ADCK1: variants seen among roughly 807,000 people sequenced by gnomAD.
ADCK1 encodes the protein aarF domain containing kinase 1.
Under a neutral mutation model 52.3 loss-of-function variants are expected in ADCK1, and 41 were observed. That is an observed-to-expected ratio of 0.78 (90% CI 0.61 to 1.02). The LOEUF is 1.02. Among genes scored for constraint, ADCK1 ranks in the 50% least tolerant of loss-of-function variants. The pLI, the probability that ADCK1 is intolerant of heterozygous loss-of-function variation, is 0.00. For synonymous variants in ADCK1, 250 were observed against 274.6 expected (o/e 0.91, Z 0.89); for missense variants, 658 against 679.5 (o/e 0.97, Z 0.35).
At chr14:77,831,262 T>G (rs1270991715) in intron 3 of ADCK1, among the ~76,000 whole-genome samples, 1 of 152,080 alleles carries the variant, frequency 6.6e-6, no homozygotes. Flanking sequence ...TCTCCTAAAT[T>G]CCTTAATCTG....
At chr14:77,850,610 G>GTTTCAGC (rs1248201309) in intron 3 of ADCK1, among the ~76,000 whole-genome samples, 3 of 146,264 alleles carry the variant, frequency 2.1e-5, no homozygotes, top group African/African-American at 7.6e-5. Flanking sequence ...AAATATAGCT[G>GTTTCAGC]TTTCAGCTTT....
intron 1 of ADCK1, among the ~76,000 whole-genome samples, chr14:77,817,592 AG>A (rs1178802271): frequency 6.6e-6 from 1 of 152,238 alleles, no homozygotes; most frequent in Non-Finnish European, 1.5e-5. Flanking sequence ...CACATTGACC[AG>A]GAGTATGAAT....
intron 7 of ADCK1, among the ~76,000 whole-genome samples, chr14:77,921,325 T>TAAAAAAAAAAA (rs2084047557): frequency 1.8e-4 from 2 of 10,976 alleles, no homozygotes; most frequent in Non-Finnish European, 3.3e-4. Context: ...AGACTCTGTC[T>TAAAAAAAAAAA]CAAAAAAAAA....
In ADCK1 at chr14:77,934,153, A is replaced by G. The variant is rs534228012; in HGVS notation, c.*762A>G. The G allele has an allele frequency of 1.3e-5, 2 of 152,066 alleles. No individual in the cohort carries two copies. The highest frequency in any genetic ancestry group is 1.5e-5 in the Non-Finnish European group (1 of 68,078). 9.4% of individuals were successfully genotyped at this position (152,066 alleles called of 1,614,324 possible). On this transcript the variant is annotated 3_prime_UTR_variant, in exon 11 of 11. Coordinates refer to ENST00000238561, the MANE Select transcript of ADCK1 (RefSeq NM_020421.4). Reference sequence around the variant, plus strand: ...CTTATAGGTTGGGAGTTCACCTACAATGCCCATTAGGTCAGAGTGGACCTG... The same window carrying G: ...CTTATAGGTTGGGAGTTCACCTACAGTGCCCATTAGGTCAGAGTGGACCTG...
intron 7 of ADCK1, among the ~76,000 whole-genome samples, chr14:77,921,270 T>C: frequency 8.0e-6 from 1 of 125,230 alleles, no homozygotes; most frequent in South Asian, 2.7e-4. Flanking sequence ...GAGCTTGCAG[T>C]GAGCCGAGAT....
In ADCK1 at chr14:77,900,573, C is replaced by T. The variant is rs58590201; in HGVS notation, c.741+1315C>T. On this transcript the variant is annotated intron_variant, in intron 6 of 10. Transcript: ENST00000238561. ...TTGCATTGCAGCCTGGGCAACAGAG[C>T]GAGACTGCGTCTCAAGGAACAACAA... 4.1e-3 allele frequency: 1,873 copies of T among 454,454 alleles called. 22 individuals are homozygous for T. The highest frequency in any genetic ancestry group is 0.034 in the African/African-American group (1,701 of 49,922). The allele number at this position is 454,454 out of a possible 1,614,324, so 28.2% of individuals were successfully genotyped here.
chr14:77,872,409 C>T (rs895518559), intron 4 of ADCK1, among the ~76,000 whole-genome samples: 4 of 152,104 alleles, frequency 2.6e-5, no homozygotes, highest in Non-Finnish European at 4.4e-5. Flanking sequence ...TTCCTCTGAC[C>T]GCACATCTTG....
intron 4 of ADCK1, among the ~76,000 whole-genome samples, chr14:77,878,297 T>C (rs896162692): frequency 6.6e-6 from 1 of 152,226 alleles, no homozygotes; most frequent in Non-Finnish European, 1.5e-5. Context: ...CTTTATAAAA[T>C]GTAGGCAATA....
At chr14:77,884,023 G>A (rs544113872) in intron 4 of ADCK1, among the ~76,000 whole-genome samples, 4 of 152,322 alleles carry the variant, frequency 2.6e-5, no homozygotes, top group Non-Finnish European at 5.9e-5. Context: ...CCTGTGGGGT[G>A]CTCTTGGCAG....
At chr14:77,809,157 G>A (rs1434649153) in intron 1 of ADCK1, among the ~76,000 whole-genome samples, 2 of 151,314 alleles carry the variant, frequency 1.3e-5, no homozygotes, top group South Asian at 2.1e-4. Context: ...GGGCTTTGTG[G>A]TAGGTGGAGA....
chr14:77,849,990 T>C (rs959044448), intron 3 of ADCK1, among the ~76,000 whole-genome samples: 2 of 151,922 alleles, frequency 1.3e-5, no homozygotes, highest in Non-Finnish European at 2.9e-5. Flanking sequence ...GAGACCAGCC[T>C]GGGCAACATA....
chr14:77,828,184 T>C (rs1349798538), intron 3 of ADCK1, among the ~76,000 whole-genome samples: 1 of 152,154 alleles, frequency 6.6e-6, no homozygotes, highest in African/African-American at 2.4e-5. Flanking sequence ...GTCTGGTCTT[T>C]AACTCCTTAC....
chr14:77,838,825 G>T (rs1373076314), intron 3 of ADCK1, among the ~76,000 whole-genome samples: 1 of 152,216 alleles, frequency 6.6e-6, no homozygotes, highest in African/African-American at 2.4e-5. Context: ...TATTCATTCA[G>T]CCAATTGTTC....
chr14:77,804,944 C>T (rs575549559), intron 1 of ADCK1, among the ~76,000 whole-genome samples: 8 of 152,178 alleles, frequency 5.3e-5, no homozygotes, highest in South Asian at 2.1e-4. Context: ...CGGTGGCTCA[C>T]GCTTGTCATC....
intron 1 of ADCK1, among the ~76,000 whole-genome samples, chr14:77,810,236 T>A (rs2081312453): frequency 1.3e-5 from 2 of 151,902 alleles, no homozygotes; most frequent in Non-Finnish European, 2.9e-5. Flanking sequence ...TACCTCAGCC[T>A]CCTGAGTAGC....
intron 3 of ADCK1, among the ~76,000 whole-genome samples, chr14:77,858,048 G>A (rs1279615871): frequency 6.6e-6 from 1 of 152,144 alleles, no homozygotes; most frequent in Non-Finnish European, 1.5e-5. Flanking sequence ...GGAAGGACCG[G>A]TGAGCATCCG....
chr14:77,899,049 C>T (rs2083472065), intron 5 of ADCK1, 51 bp from the exon 6 acceptor site: 6 of 1,607,902 alleles, frequency 3.7e-6, no homozygotes, highest in African/African-American at 1.3e-5. Context: ...TAGGGAATGT[C>T]CCTTGGTATA....
At chr14:77,912,862 A>G (rs1374211667) in intron 7 of ADCK1, among the ~76,000 whole-genome samples, 1 of 152,174 alleles carries the variant, frequency 6.6e-6, no homozygotes, top group Non-Finnish European at 1.5e-5. Flanking sequence ...ACTCGGCCCA[A>G]TAGACTTGGA....
At chr14:77,915,059 G>GTCTGGCTT (rs1468900525) in intron 7 of ADCK1, among the ~76,000 whole-genome samples, 3 of 152,186 alleles carry the variant, frequency 2.0e-5, no homozygotes, top group Non-Finnish European at 4.4e-5. Flanking sequence ...CTGTCTGGCT[G>GTCTGGCTT]TCTGGTAGAA....
Sources: gnomAD v4.1 joint callset for allele counts (sites outside exome capture counted in the v4.1 genomes callset) on GRCh38, gnomAD v4.1.1 for gene constraint, MANE v1.5 for transcripts, NCBI Gene and HGNC (gene_info 2026-07-23, HGNC 2026-07-21) for gene names.